UTRN: variants seen among roughly 807,000 people sequenced by gnomAD.
UTRN encodes utrophin.
UTRN carries 283 observed loss-of-function variants against 463.9 expected under a neutral mutation model. That is an observed-to-expected ratio of 0.61 (90% CI 0.55 to 0.67). The LOEUF (loss-of-function observed/expected upper bound fraction) is 0.67, where lower values mean the gene tolerates loss of function less well. Among genes scored for constraint, UTRN ranks in the 30% least tolerant of loss-of-function variants. UTRN has a pLI of 0.00. For missense variants in UTRN, 3,922 were observed against 4,084.3 expected (o/e 0.96, Z 1.08); for synonymous variants, 1,442 against 1,431.5 (o/e 1.01, Z -0.17).
chr6:144,483,770 C>T (rs1419322387), intron 27 of UTRN, among the ~76,000 whole-genome samples: 1 of 152,162 alleles, frequency 6.6e-6, no homozygotes, highest in African/African-American at 2.4e-5. Flanking sequence ...TTAAATCTAA[C>T]TTGTAGTTTG....
intron 2 of UTRN, among the ~76,000 whole-genome samples, chr6:144,296,948 T>C (rs1804770440): frequency 6.6e-6 from 1 of 152,222 alleles, no homozygotes; most frequent in Admixed American, 6.5e-5. Context: ...TGTCATTCTC[T>C]GTTGAGTTAG....
At chr6:144,299,479 T>A (rs1488538148) in intron 2 of UTRN, among the ~76,000 whole-genome samples, 1 of 152,180 alleles carries the variant, frequency 6.6e-6, no homozygotes, top group Non-Finnish European at 1.5e-5. Flanking sequence ...TGGGTTGTGT[T>A]GGGTGAAGTT....
intron 51 of UTRN, among the ~76,000 whole-genome samples, chr6:144,631,084 C>T (rs1209021708): frequency 2.6e-5 from 4 of 152,106 alleles, no homozygotes; most frequent in African/African-American, 4.8e-5. Flanking sequence ...TGGAAAGATC[C>T]TTCTCTGTCC....
At chr6:144,675,648 G>C (rs977225820) in intron 51 of UTRN, among the ~76,000 whole-genome samples, 1 of 152,174 alleles carries the variant, frequency 6.6e-6, no homozygotes, top group Non-Finnish European at 1.5e-5. Context: ...ATGGTATAAT[G>C]TTGCCCTATG....
intron 65 of UTRN, among the ~76,000 whole-genome samples, chr6:144,817,816 G>T (rs1005311761): frequency 6.6e-6 from 1 of 152,054 alleles, no homozygotes; most frequent in African/African-American, 2.4e-5. Flanking sequence ...ACAACTCTTT[G>T]TGCTAGCTTT....
At chr6:144,341,329 T>A (rs73591144) in intron 2 of UTRN, among the ~76,000 whole-genome samples, 9,880 of 152,294 alleles carry the variant, frequency 0.065, 1,027 homozygotes, top group African/African-American at 0.22. Flanking sequence ...TTGTACTTTG[T>A]ATAGTTTTTG....
chr6:144,412,382 T>G (rs1184436719), intron 3 of UTRN, among the ~76,000 whole-genome samples: 1 of 152,190 alleles, frequency 6.6e-6, no homozygotes, highest in Non-Finnish European at 1.5e-5. Flanking sequence ...TAAGATGATG[T>G]ACATAGTGCT....
At chr6:144,561,745 AT>A (rs1799947268) in intron 50 of UTRN, among the ~76,000 whole-genome samples, 1 of 152,088 alleles carries the variant, frequency 6.6e-6, no homozygotes, top group Non-Finnish European at 1.5e-5. Flanking sequence ...CATGTCTAAT[AT>A]GTGGGGTTAT....
chr6:144,479,040 G>A (rs914718593), intron 25 of UTRN, among the ~76,000 whole-genome samples: 15 of 150,320 alleles, frequency 1.0e-4, no homozygotes, highest in African/African-American at 3.7e-4. Context: ...CTCCCTCCCT[G>A]CTTTTTAAAA....
At chr6:144,388,851 T>C (rs1781651282) in intron 2 of UTRN, among the ~76,000 whole-genome samples, 1 of 152,202 alleles carries the variant, frequency 6.6e-6, no homozygotes, top group Non-Finnish European at 1.5e-5. Context: ...ACAGTTCTCA[T>C]GGATGGACAC....
At chr6:144,767,284 C>A (rs1353772927) in intron 58 of UTRN, among the ~76,000 whole-genome samples, 3 of 151,958 alleles carry the variant, frequency 2.0e-5, no homozygotes, top group African/African-American at 7.3e-5. Context: ...TGCTCAGGTC[C>A]AGAGTAGGCA....
At chr6:144,764,944 G>T (rs538636233) in intron 58 of UTRN, among the ~76,000 whole-genome samples, 2 of 152,082 alleles carry the variant, frequency 1.3e-5, no homozygotes, top group African/African-American at 2.4e-5. Flanking sequence ...TCAGATGGGG[G>T]CATACAAGGC....
intron 63 of UTRN, among the ~76,000 whole-genome samples, chr6:144,797,141 G>A (rs774942761): frequency 2.6e-5 from 4 of 151,392 alleles, no homozygotes; most frequent in Non-Finnish European, 4.4e-5. Flanking sequence ...CTTCAAGTTT[G>A]TAAAATTATC....
intron 54 of UTRN, among the ~76,000 whole-genome samples, chr6:144,746,684 C>A (rs1010933598): frequency 3.9e-5 from 6 of 152,096 alleles, no homozygotes; most frequent in Non-Finnish European, 7.4e-5. Flanking sequence ...GCCATGTTGG[C>A]CAGGCTGGTC....
intron 54 of UTRN, among the ~76,000 whole-genome samples, chr6:144,731,650 C>A: frequency 6.6e-6 from 1 of 152,140 alleles, no homozygotes; most frequent in Non-Finnish European, 1.5e-5. Context: ...ATCTTTTTGA[C>A]TCTCTGAAAC....
intron 52 of UTRN, among the ~76,000 whole-genome samples, chr6:144,698,388 A>G (rs1784231434): frequency 6.6e-6 from 1 of 152,230 alleles, no homozygotes; most frequent in Non-Finnish European, 1.5e-5. Context: ...GTTCTCAGAG[A>G]TTTACAAAAT....
intron 18 of UTRN, among the ~76,000 whole-genome samples, chr6:144,451,815 G>A (rs150246624): frequency 1.3e-5 from 2 of 152,022 alleles, no homozygotes; most frequent in African/African-American, 4.8e-5. Flanking sequence ...AATAATTTAT[G>A]ACTCTATATT....
intron 69 of UTRN, among the ~76,000 whole-genome samples, chr6:144,829,668 A>G (rs906763790): frequency 5.3e-5 from 8 of 151,914 alleles, no homozygotes; most frequent in Admixed American, 2.6e-4. Flanking sequence ...TCTGTAAAGT[A>G]GACAGAAAAG....
chr6:144,408,033 C>T (rs557272146), intron 3 of UTRN, among the ~76,000 whole-genome samples: 36 of 152,230 alleles, frequency 2.4e-4, no homozygotes, highest in South Asian at 1.7e-3. Context: ...TTTCCATAGC[C>T]ATAAGACGCA....
Sources: allele counts gnomAD v4.1 joint callset (sites outside exome capture counted in the v4.1 genomes callset), GRCh38; gene constraint gnomAD v4.1.1; transcripts MANE v1.5; gene names NCBI Gene and HGNC (gene_info 2026-07-23, HGNC 2026-07-21).